The following BCAS3 variants were observed in gnomAD, a reference collection of about 807,000 sequenced individuals.
BCAS3 encodes BCAS4/BCAS3 fusion.
A neutral mutation model predicts 116.1 loss-of-function variants in BCAS3; 53 were observed. That is an observed-to-expected ratio of 0.46 (90% confidence interval 0.37 to 0.57). The LOEUF is 0.57. Among genes scored for constraint, BCAS3 ranks in the 20% least tolerant of loss-of-function variants. BCAS3 has a pLI of 0.00. For synonymous variants in BCAS3, 391 were observed against 408.2 expected (o/e 0.96, Z 0.51); for missense variants, 917 against 1,165.4 (o/e 0.79, Z 3.10).
chr17:61,092,852 TTTTTTCCTTTTATGTTTTC>T (rs2073693803), intron 22 of BCAS3, among the ~76,000 whole-genome samples: 1 of 151,930 alleles, frequency 6.6e-6, no homozygotes, highest in South Asian at 2.1e-4. Flanking sequence ...TTTTTCATTG[TTTTTTCCTTTTATGTTTTC>T]ACAAACAAAA....
At chr17:60,686,082 A>G (rs1471558895) in intron 3 of BCAS3, among the ~76,000 whole-genome samples, 2 of 151,704 alleles carry the variant, frequency 1.3e-5, no homozygotes, top group Non-Finnish European at 2.9e-5. Flanking sequence ...GTTAGCTAGG[A>G]TGGTCTCCAT....
Position 61,126,545 on chromosome 17 carries a change from T to C in BCAS3, c.2425+41981T>C, listed in dbSNP as rs1427862256. 2.6e-5 allele frequency among the ~76,000 whole-genome samples: 4 copies of C among 152,186 alleles called. No individual in the cohort carries two copies. Among genetic ancestry groups the C allele is most frequent in the Non-Finnish European group, 5.9e-5 (4 of 68,026 alleles). ...AAGGATTATGTCTGTTTTATAAAGA[T>C]GTGTTTATATAGTCATTGGGTGAAA... is the stretch of plus-strand genomic sequence containing the variant. On this transcript the variant is annotated intron_variant, in intron 22 of 23. Transcript: ENST00000407086. This position sits in a 1 kb window ranked among gnomAD's most constrained non-coding sequence, Gnocchi z 4.6.
chr17:60,722,393 A>T (rs1375634612), intron 5 of BCAS3, among the ~76,000 whole-genome samples: 1 of 152,130 alleles, frequency 6.6e-6, no homozygotes, highest in East Asian at 1.9e-4. Context: ...CCTCAGCAGC[A>T]CTTGGTATTG....
At position 60,947,256 on chromosome 17, in the gene BCAS3, C is replaced by T; in HGVS notation, c.1125C>T (p.Asp375=). Residue 375 remains aspartate, a synonymous_variant, in exon 14 of 24, where the codon GAC becomes GAT. Transcript: ENST00000407086. ...TCACAACAGACACCCTTGGCCATGA[C>T]TTTCATGTCTTCCAAATTCTGACTC... The part of the protein sequence containing the change: ...LLVTTDTLGH[D]FHVFQILTHP... 1.2e-6 allele frequency: 2 copies of T among 1,612,960 alleles called. No homozygotes were observed. The highest frequency in any genetic ancestry group is 1.7e-6 in the Non-Finnish European group (2 of 1,179,050).
intron 19 of BCAS3, among the ~76,000 whole-genome samples, chr17:61,059,841 C>A (rs1042801646): frequency 6.6e-6 from 1 of 152,190 alleles, no homozygotes; most frequent in East Asian, 1.9e-4. Context: ...GCCTGGCCAA[C>A]ATGGTGAAAC....
Position 61,210,706 on chromosome 17 carries a change from A to G in BCAS3, c.2425+126142A>G, listed in dbSNP as rs1024029415. ...GAGGTAACTATTAAATAGGATCACA[A>G]AGTGTTTCCCTAACTGAGTAATAAC... is the stretch of plus-strand genomic sequence containing the variant. On this transcript the variant is annotated intron_variant, in intron 22 of 23. Transcript: ENST00000407086. 2.0e-5 allele frequency among the ~76,000 whole-genome samples: 3 copies of G among 152,156 alleles called. No individual in the cohort carries two copies. The South Asian group carries it at 6.2e-4, about 32-fold the overall frequency.
At chr17:61,079,111 G>A (rs931558458) in intron 21 of BCAS3, among the ~76,000 whole-genome samples, 2 of 151,312 alleles carry the variant, frequency 1.3e-5, no homozygotes, top group Admixed American at 1.3e-4. Context: ...TTGACTTGCA[G>A]TCTCAAGTTT....
intron 22 of BCAS3, among the ~76,000 whole-genome samples, chr17:61,173,382 G>A (rs992204007): frequency 6.6e-6 from 1 of 151,344 alleles, no homozygotes; most frequent in African/African-American, 2.4e-5. Context: ...CCGAGAGGCA[G>A]AGGTTGCAGT....
At chr17:61,147,222 G>A (rs1214362711) in intron 22 of BCAS3, among the ~76,000 whole-genome samples, 4 of 151,976 alleles carry the variant, frequency 2.6e-5, no homozygotes, top group Non-Finnish European at 4.4e-5. Flanking sequence ...CTACAGGTAC[G>A]CACCACCACA....
At chr17:61,242,019 G>A (rs1258312293) in intron 22 of BCAS3, among the ~76,000 whole-genome samples, 1 of 152,178 alleles carries the variant, frequency 6.6e-6, no homozygotes, top group Non-Finnish European at 1.5e-5. Flanking sequence ...GCTCACACCT[G>A]TAATTCCAGC....
At chr17:61,190,165 G>A (rs2080016895) in intron 22 of BCAS3, among the ~76,000 whole-genome samples, 1 of 152,102 alleles carries the variant, frequency 6.6e-6, no homozygotes, top group Admixed American at 6.5e-5. Flanking sequence ...ATTATCAGAG[G>A]CAAGAGCAGT....
At chr17:61,290,950 T>G (rs2052337626) in intron 22 of BCAS3, among the ~76,000 whole-genome samples, 1 of 152,056 alleles carries the variant, frequency 6.6e-6, no homozygotes, top group South Asian at 2.1e-4. Flanking sequence ...CCGGCTAATT[T>G]TTTGTATTTT....
At chr17:60,819,685 T>C (rs889596140) in intron 7 of BCAS3, among the ~76,000 whole-genome samples, 1 of 152,152 alleles carries the variant, frequency 6.6e-6, no homozygotes, top group Non-Finnish European at 1.5e-5. Context: ...AAATAACACA[T>C]GTGGGAGCTG....
At chr17:60,999,398 G>A (rs1249400895) in intron 15 of BCAS3, among the ~76,000 whole-genome samples, 1 of 151,908 alleles carries the variant, frequency 6.6e-6, no homozygotes, top group Non-Finnish European at 1.5e-5. Context: ...AAAATTAGCT[G>A]GGTGTGGTGG....
rs770058313 is a variant in BCAS3 at position 61,362,438 on chromosome 17, G to A, written c.2426-5889G>A. Among the ~76,000 whole-genome samples, 5 of 152,198 alleles carry A rather than the reference G, an allele frequency of 3.3e-5. No homozygotes were observed. Among genetic ancestry groups the A allele is most frequent in the Non-Finnish European group, 4.4e-5 (3 of 68,036 alleles). On this transcript the variant is annotated intron_variant, in intron 22 of 23. Transcript: ENST00000407086. This position sits in a 1 kb window ranked among gnomAD's most constrained non-coding sequence, Gnocchi z 4.4. ...GGGCAGAACCTCATTAACGCAAAGC[G>A]GAGGCTGTGCCACAGTCTCTTAAAT...
chr17:60,983,285 A>G (rs1253456399), intron 14 of BCAS3, among the ~76,000 whole-genome samples: 1 of 152,186 alleles, frequency 6.6e-6, no homozygotes, highest in Non-Finnish European at 1.5e-5. Context: ...AGGTCCAAAA[A>G]TCATGCAGAT....
intron 14 of BCAS3, among the ~76,000 whole-genome samples, chr17:60,952,356 G>A (rs2060890477): frequency 6.7e-6 from 1 of 149,662 alleles, no homozygotes; most frequent in South Asian, 2.1e-4. Context: ...GTCTTGCTCT[G>A]TTGCCCAGGC....
chr17:60,685,353 G>A (rs1442959907), intron 3 of BCAS3, among the ~76,000 whole-genome samples: 1 of 151,644 alleles, frequency 6.6e-6, no homozygotes, highest in Non-Finnish European at 1.5e-5. Flanking sequence ...GGAAGGCTGA[G>A]GCAGGAGAAT....
intron 6 of BCAS3, among the ~76,000 whole-genome samples, chr17:60,802,283 C>G (rs1273365960): frequency 9.3e-6 from 1 of 107,932 alleles, no homozygotes; most frequent in Non-Finnish European, 1.9e-5. Flanking sequence ...GACTCTGTCT[C>G]AAAAAAAAAA....
Sources: gnomAD v4.1 joint callset for allele counts (sites outside exome capture counted in the v4.1 genomes callset) on GRCh38, gnomAD v4.1.1 for gene constraint, Gnocchi (gnomAD v3.1) non-coding constraint, MANE v1.5 for transcripts, NCBI Gene and HGNC (gene_info 2026-07-23, HGNC 2026-07-21) for gene names.